CCDC33: variants seen among roughly 807,000 people sequenced by gnomAD.
CCDC33 encodes coiled-coil domain-containing protein 33.
Under a neutral mutation model 91.9 loss-of-function variants are expected in CCDC33, and 94 were observed. The ratio of observed to expected loss-of-function variants is 1.02; its 90% CI spans 0.87 to 1.21. The LOEUF (loss-of-function observed/expected upper bound fraction) is 1.21, where lower values mean the gene tolerates loss of function less well. Among genes scored for constraint, CCDC33 ranks in the 50% most tolerant of loss-of-function variants. The pLI is 0.00. For missense variants in CCDC33, 940 were observed against 935.5 expected (o/e 1.00, Z -0.06); for synonymous variants, 396 against 374.5 (o/e 1.06, Z -0.66).
chr15:74,306,938 G>A (rs968690649), intron 11 of CCDC33, among the ~76,000 whole-genome samples: 1 of 152,138 alleles, frequency 6.6e-6, no homozygotes, highest in Non-Finnish European at 1.5e-5. Context: ...CTGGGCCTCC[G>A]TCTCCCCTCC....
At chr15:74,203,136 A>G in intron 1 of CCDC33, 2 of 985,588 alleles carry the variant, frequency 2.0e-6, no homozygotes, top group Non-Finnish European at 2.4e-6. Flanking sequence ...GGGCGGAGGC[A>G]GGGAAGGGGA....
chr15:74,330,843 A>T lies in CCDC33; in HGVS notation c.1545+92A>T, dbSNP rs1056113394. 13 of 1,510,334 alleles carry T rather than the reference A, an allele frequency of 8.6e-6. No homozygotes were observed. In the African/African-American group the frequency reaches 1.8e-4, roughly 21 times the overall value. The allele number at this position is 1,510,334 out of a possible 1,614,324, so 93.6% of individuals were successfully genotyped here. On this transcript the variant is annotated intron_variant, in intron 13 of 18. Transcript: ENST00000398814. ...TCTGGGAGGAGAAGGGAGAACAGGCACAGAGGGAATGGAAGCACGGAAGAA... is the reference window on the plus strand; with the variant it reads ...TCTGGGAGGAGAAGGGAGAACAGGCTCAGAGGGAATGGAAGCACGGAAGAA...
Position 74,335,058 on chromosome 15 carries a change from C to T in CCDC33, c.2109C>T (p.His703=), listed in dbSNP as rs778998312. 1.5e-5 allele frequency: 25 copies of T among 1,614,056 alleles called. No homozygotes were observed. The highest frequency in any genetic ancestry group is 6.7e-5 in the Admixed American group (4 of 60,018). The stretch of plus-strand genomic sequence containing the variant: ...AGGAGCAAGAAAAAGGTTTCAGGCA[C>T]CCCTCGAACTCCATCATCATAGAAC... ...RLQEQEKGFR[H]PSNSIIIEQP... Residue 703 remains histidine (H), a synonymous_variant, in exon 18 of 19, where the codon CAC becomes CAT. Transcript: ENST00000398814.
intron 2 of CCDC33, chr15:74,221,207 G>A: frequency 1.0e-6 from 1 of 972,416 alleles, no homozygotes; most frequent in Non-Finnish European, 1.2e-6. Context: ...TGTGTAGTGT[G>A]TGGCACTGGT....
chr15:74,263,994 C>T (rs992328552), intron 3 of CCDC33, among the ~76,000 whole-genome samples: 5 of 151,902 alleles, frequency 3.3e-5, no homozygotes, highest in Admixed American at 3.3e-4. Flanking sequence ...GCTCTACATA[C>T]TTGGGGTAAC....
At chr15:74,230,504 A>T (rs1022410642) in intron 2 of CCDC33, among the ~76,000 whole-genome samples, 1 of 152,218 alleles carries the variant, frequency 6.6e-6, no homozygotes, top group Non-Finnish European at 1.5e-5. Context: ...TTATGACATG[A>T]TGGAGGGAGC....
At chr15:74,314,337 GC>G (rs1457895237) in intron 11 of CCDC33, among the ~76,000 whole-genome samples, 1 of 152,250 alleles carries the variant, frequency 6.6e-6, no homozygotes, top group Non-Finnish European at 1.5e-5. Flanking sequence ...AAGTGGGCCT[GC>G]CAAAGAGTAT....
chr15:74,290,897 A>G (rs1280750930), intron 10 of CCDC33, among the ~76,000 whole-genome samples: 1 of 152,230 alleles, frequency 6.6e-6, no homozygotes, highest in Non-Finnish European at 1.5e-5. Context: ...GGAAAAAAAT[A>G]AATTCAGAAA....
intron 2 of CCDC33, among the ~76,000 whole-genome samples, chr15:74,258,718 C>T (rs965108993): frequency 6.6e-6 from 1 of 152,152 alleles, no homozygotes; most frequent in Non-Finnish European, 1.5e-5. Flanking sequence ...GGGAAAGCGG[C>T]TCATGAGCAC....
rs1231928390 is a variant in CCDC33 at position 74,268,529 on chromosome 15, C to T, written c.546+71C>T. ...GGCCAAGCTTTGAGCAGGCCCCACG[C>T]CTTGCCCTTAGCCCCCTCTGGCTGA... is the stretch of plus-strand genomic sequence containing the variant. On this transcript the variant is annotated intron_variant, in intron 5 of 18. Coordinates refer to ENST00000398814, the MANE Select transcript of CCDC33 (RefSeq NM_025055.5). 4.1e-6 allele frequency: 5 copies of T among 1,210,736 alleles called. No individual in the cohort carries two copies. In the African/African-American group the frequency reaches 7.5e-5, roughly 18 times the overall value. 75.0% of individuals were successfully genotyped at this position (1,210,736 alleles called of 1,614,324 possible).
intron 15 of CCDC33, among the ~76,000 whole-genome samples, chr15:74,331,732 T>A (rs2060443876): frequency 6.6e-6 from 1 of 152,190 alleles, no homozygotes; most frequent in African/African-American, 2.4e-5. Context: ...ATACTTTGAT[T>A]AAATCAATGA....
intron 11 of CCDC33, chr15:74,304,038 A>G (rs1459949052): frequency 1.3e-5 from 2 of 152,202 alleles, no homozygotes. Context: ...TGTGTCTGTT[A>G]CTTCCCTCTG....
rs1002890941 is a variant in CCDC33 at position 74,284,656 on chromosome 15, T to TA, written c.1095+2814dup. Among the ~76,000 whole-genome samples, 8 of 151,986 alleles carry TA rather than the reference T, an allele frequency of 5.3e-5. No individual in the cohort carries two copies. In the South Asian group the frequency reaches 1.2e-3, roughly 24 times the overall value. On this transcript the variant is annotated intron_variant, in intron 10 of 18. Coordinates refer to ENST00000398814, the MANE Select transcript of CCDC33 (RefSeq NM_025055.5). ...TTAGCAGGGAGTATGGAACAGACAATAAAAAAATAATTCATGTCAGCTAAT... is the reference window on the plus strand; with the variant it reads ...TTAGCAGGGAGTATGGAACAGACAATAAAAAAAATAATTCATGTCAGCTAAT...
chr15:74,252,489 C>T (rs1318280781), intron 2 of CCDC33, among the ~76,000 whole-genome samples: 1 of 152,230 alleles, frequency 6.6e-6, no homozygotes, highest in Non-Finnish European at 1.5e-5. Context: ...ACTCGAAGCT[C>T]ACTGCGAGCT....
chr15:74,268,739 G>A (rs1035085545), intron 5 of CCDC33, among the ~76,000 whole-genome samples: 2 of 152,236 alleles, frequency 1.3e-5, no homozygotes, highest in African/African-American at 4.8e-5. Flanking sequence ...TGCTGCTCCT[G>A]GTGTACCGTC....
In CCDC33 at chr15:74,244,162, TGA is replaced by T. The variant is rs773186315; in HGVS notation, c.185+18_185+19del. The T allele has an allele frequency of 1.9e-6, 3 of 1,601,324 alleles. No homozygotes were observed. The African/African-American group carries it at 4.0e-5, about 22-fold the overall frequency. On this transcript the variant is annotated intron_variant, in intron 2 of 18. Coordinates refer to ENST00000398814, the MANE Select transcript of CCDC33 (RefSeq NM_025055.5). The surrounding 1 kb of genome is among the most constrained non-coding windows in gnomAD (Gnocchi z 4.2). ...CTATGTGGTGGTGTAAGTAGCTGCGTGAGAGTGGGGGCAGGGGATGGGTTGGG... is the reference window on the plus strand; with the variant it reads ...CTATGTGGTGGTGTAAGTAGCTGCGTGAGTGGGGGCAGGGGATGGGTTGGG...
chr15:74,204,698 C>G (rs1044038148), intron 1 of CCDC33, among the ~76,000 whole-genome samples: 1 of 152,132 alleles, frequency 6.6e-6, no homozygotes, highest in African/African-American at 2.4e-5. Context: ...TTTGGGAGGC[C>G]GAGGCAGGTG....
chr15:74,254,133 A>G (rs184849541), intron 2 of CCDC33, among the ~76,000 whole-genome samples: 15 of 152,060 alleles, frequency 9.9e-5, no homozygotes, highest in Admixed American at 7.9e-4. Flanking sequence ...CCCAGGTTCA[A>G]GAGACTCTCC....
At chr15:74,319,804 G>A (rs1239382709) in intron 11 of CCDC33, 1 of 152,226 alleles carries the variant, frequency 6.6e-6, no homozygotes, top group African/African-American at 2.4e-5. Context: ...GCTCCTGCAG[G>A]GGCCAATTAG....
Sources: allele counts gnomAD v4.1 joint callset (sites outside exome capture counted in the v4.1 genomes callset), GRCh38; gene constraint gnomAD v4.1.1; non-coding constraint Gnocchi (gnomAD v3.1); transcripts MANE v1.5; gene names NCBI Gene and HGNC (gene_info 2026-07-23, HGNC 2026-07-21).